Variants in KCNK13 observed in about 807,000 individuals in gnomAD.
KCNK13 encodes the protein potassium channel subfamily K member 13.
A neutral mutation model predicts 23.4 loss-of-function variants in KCNK13; 12 were observed. That is an observed-to-expected ratio of 0.51 (90% CI 0.33 to 0.83). The LOEUF (loss-of-function observed/expected upper bound fraction) is 0.83, where lower values mean the gene tolerates loss of function less well. KCNK13 is among the 40% of genes least tolerant of loss of function. KCNK13 has a pLI of 0.02. For missense variants in KCNK13, 463 were observed against 556.3 expected (o/e 0.83, Z 1.69); for synonymous variants, 231 against 229.5 (o/e 1.01, Z -0.06).
intron 1 of KCNK13, among the ~76,000 whole-genome samples, chr14:90,147,507 C>G (rs1175226157): frequency 1.3e-5 from 2 of 151,978 alleles, no homozygotes; most frequent in Non-Finnish European, 2.9e-5. Context: ...AAAATATTAA[C>G]ATTTTAATTA....
At chr14:90,092,327 C>T (rs1294482515) in intron 1 of KCNK13, among the ~76,000 whole-genome samples, 1 of 152,168 alleles carries the variant, frequency 6.6e-6, no homozygotes, top group Non-Finnish European at 1.5e-5. Flanking sequence ...TAGAGAGAAA[C>T]CCACTGCTAA....
At chr14:90,073,468 T>G (rs1044257626) in intron 1 of KCNK13, among the ~76,000 whole-genome samples, 1 of 152,166 alleles carries the variant, frequency 6.6e-6, no homozygotes, top group Non-Finnish European at 1.5e-5. Flanking sequence ...CTATTAACTC[T>G]TGGCATGTTG....
At chr14:90,117,097 C>G (rs1889685725) in intron 1 of KCNK13, among the ~76,000 whole-genome samples, 1 of 152,128 alleles carries the variant, frequency 6.6e-6, no homozygotes. Flanking sequence ...TACTGTCATG[C>G]TTCTGAGCCA....
intron 1 of KCNK13, among the ~76,000 whole-genome samples, chr14:90,168,343 C>T (rs897576966): frequency 1.3e-5 from 2 of 151,914 alleles, no homozygotes; most frequent in African/African-American, 2.4e-5. Context: ...TGCACTTCAG[C>T]CTGGGCGACA....
intron 1 of KCNK13, among the ~76,000 whole-genome samples, chr14:90,131,526 G>A (rs758412289): frequency 1.6e-4 from 24 of 151,896 alleles, no homozygotes; most frequent in Non-Finnish European, 2.9e-4. Context: ...CACCATGCCC[G>A]GCCATATTAT....
At chr14:90,173,859 ATAGT>A (rs1890392195) in intron 1 of KCNK13, among the ~76,000 whole-genome samples, 3 of 152,194 alleles carry the variant, frequency 2.0e-5, no homozygotes, top group African/African-American at 7.2e-5. Flanking sequence ...CTGAGACTGG[ATAGT>A]TTATAAAGAA....
At chr14:90,134,182 C>T (rs1889908298) in intron 1 of KCNK13, among the ~76,000 whole-genome samples, 1 of 149,386 alleles carries the variant, frequency 6.7e-6, no homozygotes, top group Non-Finnish European at 1.5e-5. Flanking sequence ...TGCCTCTGCA[C>T]TCCAGCCTGA....
intron 1 of KCNK13, among the ~76,000 whole-genome samples, chr14:90,069,426 A>G (rs1889048513): frequency 6.6e-6 from 1 of 152,064 alleles, no homozygotes; most frequent in Non-Finnish European, 1.5e-5. Flanking sequence ...GCTGTACTCT[A>G]CAAGACCCCC....
At chr14:90,167,087 G>A (rs888631629) in intron 1 of KCNK13, among the ~76,000 whole-genome samples, 2 of 152,116 alleles carry the variant, frequency 1.3e-5, no homozygotes, top group African/African-American at 4.8e-5. Context: ...TGTAAAAGGG[G>A]GATGAAGGGT....
chr14:90,180,679 G>A (rs1890474467), intron 1 of KCNK13, among the ~76,000 whole-genome samples: 1 of 152,138 alleles, frequency 6.6e-6, no homozygotes, highest in Non-Finnish European at 1.5e-5. Flanking sequence ...TTAAATCTCT[G>A]GAACATGTCA....
intron 1 of KCNK13, among the ~76,000 whole-genome samples, chr14:90,086,003 T>C (rs1447467686): frequency 4.0e-5 from 6 of 151,140 alleles, no homozygotes; most frequent in Non-Finnish European, 5.9e-5. Flanking sequence ...GTAGTTCTTG[T>C]ATCTTTGTGA....
intron 1 of KCNK13, among the ~76,000 whole-genome samples, chr14:90,139,735 G>A (rs1889981454): frequency 6.6e-6 from 1 of 152,146 alleles, no homozygotes; most frequent in Non-Finnish European, 1.5e-5. Flanking sequence ...GCCGAGGCAG[G>A]TGGATCGCTT....
chr14:90,117,552 T>G (rs1337089773), intron 1 of KCNK13, among the ~76,000 whole-genome samples: 2 of 151,972 alleles, frequency 1.3e-5, no homozygotes, highest in Non-Finnish European at 2.9e-5. Flanking sequence ...ATTGCACCAT[T>G]GCACTCCAGC....
At chr14:90,117,337 C>A (rs1410653777) in intron 1 of KCNK13, among the ~76,000 whole-genome samples, 1 of 152,112 alleles carries the variant, frequency 6.6e-6, no homozygotes, top group Non-Finnish European at 1.5e-5. Flanking sequence ...CACCTGTAAT[C>A]CCAGCACTTT....
intron 1 of KCNK13, among the ~76,000 whole-genome samples, chr14:90,152,113 G>C (rs756848147): frequency 9.9e-5 from 15 of 152,212 alleles, no homozygotes; most frequent in Non-Finnish European, 1.8e-4. Context: ...GACCAGATGG[G>C]AGGTAATTGA....
intron 1 of KCNK13, among the ~76,000 whole-genome samples, chr14:90,170,231 T>C (rs1037838648): frequency 2.0e-4 from 31 of 152,160 alleles, no homozygotes; most frequent in African/African-American, 7.2e-4. Flanking sequence ...TTATTTATTT[T>C]GAGACAGAGT....
intron 1 of KCNK13, among the ~76,000 whole-genome samples, chr14:90,129,062 T>C (rs749394018): frequency 1.3e-5 from 2 of 152,212 alleles, no homozygotes; most frequent in Non-Finnish European, 2.9e-5. Context: ...AGCAATGTAT[T>C]GCTTCACTTT....
At chr14:90,073,961 C>T (rs1187660208) in intron 1 of KCNK13, among the ~76,000 whole-genome samples, 2 of 151,128 alleles carry the variant, frequency 1.3e-5, no homozygotes, top group African/African-American at 2.4e-5. Flanking sequence ...AGGTGTGAGC[C>T]ACTGCGCCCG....
chr14:90,117,451 G>T (rs186917713), intron 1 of KCNK13, among the ~76,000 whole-genome samples: 174 of 152,168 alleles, frequency 1.1e-3, no homozygotes, highest in African/African-American at 3.9e-3. Flanking sequence ...TTAGCCAGGC[G>T]TGGTGGCGCG....
Sources: gnomAD v4.1 joint callset for allele counts (sites outside exome capture counted in the v4.1 genomes callset) on GRCh38, gnomAD v4.1.1 for gene constraint, MANE v1.5 for transcripts, NCBI Gene and HGNC (gene_info 2026-07-23, HGNC 2026-07-21) for gene names.